Variants in SGCD observed in about 807,000 individuals in gnomAD.
SGCD encodes the protein sarcoglycan delta.
A neutral mutation model predicts 36.6 loss-of-function variants in SGCD; 18 were observed. That is an observed-to-expected ratio of 0.49 (90% CI 0.34 to 0.73). SGCD has a LOEUF of 0.73. Among genes scored for constraint, SGCD ranks in the 30% least tolerant of loss-of-function variants. SGCD has a pLI of 0.01. For synonymous variants in SGCD, 133 were observed against 130.6 expected, an observed-to-expected ratio of 1.02 and a Z score of -0.12; for missense variants, 387 against 346.7, an observed-to-expected ratio of 1.12 and a Z score of -0.92.
At chr5:155,895,142 T>C (rs1756219575) in intron 1 of SGCD, among the ~76,000 whole-genome samples, 3 of 152,194 alleles carry the variant, frequency 2.0e-5, no homozygotes, top group Admixed American at 6.5e-5. Flanking sequence ...TGATGTTTCA[T>C]AGGAAAATAG....
chr5:156,222,479 G>A (rs995857889), intron 3 of SGCD, among the ~76,000 whole-genome samples: 3 of 151,946 alleles, frequency 2.0e-5, no homozygotes, highest in Admixed American at 6.6e-5. Flanking sequence ...TAGCTTTTAC[G>A]GCGATTATAC....
intron 6 of SGCD, among the ~76,000 whole-genome samples, chr5:156,601,427 A>C (rs1401493984): frequency 1.3e-5 from 2 of 152,200 alleles, no homozygotes; most frequent in Non-Finnish European, 2.9e-5. Context: ...CAACTTTATG[A>C]AAAGGCAATT....
At chr5:155,844,854 A>C in the SGCD span, among the ~76,000 whole-genome samples, 2 of 152,164 alleles carry the variant, frequency 1.3e-5, no homozygotes, top group Non-Finnish European at 1.5e-5. Flanking sequence ...GATATTAATT[A>C]TTTTACTTCT....
intron 1 of SGCD, among the ~76,000 whole-genome samples, chr5:155,886,140 G>T (rs565980717): frequency 1.3e-5 from 2 of 152,188 alleles, no homozygotes; most frequent in East Asian, 3.9e-4. Flanking sequence ...GGCTCTTTAG[G>T]TTACAAGTAA....
At chr5:155,896,746 A>G (rs1204870987) in intron 1 of SGCD, among the ~76,000 whole-genome samples, 1 of 152,178 alleles carries the variant, frequency 6.6e-6, no homozygotes, top group Admixed American at 6.5e-5. Context: ...TCTGGCTCTC[A>G]AGGTTCTGCA....
chr5:155,830,643 G>C, the SGCD span, among the ~76,000 whole-genome samples: 1 of 152,102 alleles, frequency 6.6e-6, no homozygotes, highest in African/African-American at 2.4e-5. Flanking sequence ...AGTTTTTAAA[G>C]ACTTCTGTTA....
intron 6 of SGCD, among the ~76,000 whole-genome samples, chr5:156,608,743 A>G (rs1174075203): frequency 1.3e-5 from 2 of 152,284 alleles, no homozygotes; most frequent in African/African-American, 2.4e-5. Flanking sequence ...TTGGGTGCCT[A>G]TATATTTAGG....
At chr5:156,746,556 G>A (rs1561893602) in intron 7 of SGCD, among the ~76,000 whole-genome samples, 1 of 152,004 alleles carries the variant, frequency 6.6e-6, no homozygotes, top group Non-Finnish European at 1.5e-5. Context: ...ATACACCAGA[G>A]AGTTTAGAAA....
chr5:156,601,967 C>T (rs1761210656), intron 6 of SGCD, among the ~76,000 whole-genome samples: 1 of 152,196 alleles, frequency 6.6e-6, no homozygotes, highest in African/African-American at 2.4e-5. Flanking sequence ...AGGTGTGAGC[C>T]ACTGAGCCTG....
At chr5:156,219,974 G>A (rs992481174) in intron 3 of SGCD, among the ~76,000 whole-genome samples, 1 of 152,156 alleles carries the variant, frequency 6.6e-6, no homozygotes, top group Admixed American at 6.5e-5. Flanking sequence ...TCAGGTATAA[G>A]GTTACAATGT....
At chr5:155,738,858 AGT>A in the SGCD span, among the ~76,000 whole-genome samples, 13,258 of 138,824 alleles carry the variant, frequency 0.096, 790 homozygotes, top group East Asian at 0.18. Context: ...TGTATATGAG[AGT>A]GTGTGAGTGC....
intron 3 of SGCD, among the ~76,000 whole-genome samples, chr5:156,349,903 T>TA (rs1769149139): frequency 6.6e-6 from 1 of 151,928 alleles, no homozygotes; most frequent in African/African-American, 2.4e-5. Flanking sequence ...CCATCAGCCA[T>TA]AAAAAAGAAT....
chr5:155,746,392 CA>C, the SGCD span, among the ~76,000 whole-genome samples: 1 of 149,836 alleles, frequency 6.7e-6, no homozygotes, highest in South Asian at 2.1e-4. Flanking sequence ...GACCCTGTCT[CA>C]AAAAAAAAGA....
intron 3 of SGCD, among the ~76,000 whole-genome samples, chr5:156,251,219 TTC>T (rs1199043463): frequency 6.6e-6 from 1 of 152,190 alleles, no homozygotes; most frequent in Non-Finnish European, 1.5e-5. Flanking sequence ...ACAGAATTTT[TTC>T]TCTCTCTCTT....
At chr5:155,883,079 T>G (rs2113299077) in intron 1 of SGCD, among the ~76,000 whole-genome samples, 1 of 152,328 alleles carries the variant, frequency 6.6e-6, no homozygotes, top group Admixed American at 6.5e-5. Flanking sequence ...AACCAACCTC[T>G]GCTAATTTCC....
intron 1 of SGCD, among the ~76,000 whole-genome samples, chr5:156,058,187 G>T (rs1259712329): frequency 6.9e-6 from 1 of 145,886 alleles, no homozygotes; most frequent in Non-Finnish European, 1.5e-5. Flanking sequence ...CAAGCCTTTA[G>T]ATATAATTAC....
intron 3 of SGCD, among the ~76,000 whole-genome samples, chr5:156,212,277 T>C (rs536679241): frequency 6.6e-6 from 1 of 152,274 alleles, no homozygotes; most frequent in South Asian, 2.1e-4. Context: ...TCACTTCTCA[T>C]TAAAGAACAC....
At chr5:156,742,117 CCACCCGCCTCGGCCT>C (rs1459942241) in intron 7 of SGCD, among the ~76,000 whole-genome samples, 1 of 152,158 alleles carries the variant, frequency 6.6e-6, no homozygotes, top group Non-Finnish European at 1.5e-5. Flanking sequence ...ACCTCGTGAT[CCACCCGCCTCGGCCT>C]CCCAAAGTGC....
In SGCD at chr5:156,567,686, A is replaced by C. The variant is rs6885526; in HGVS notation, c.295-21545A>C. Among the ~76,000 whole-genome samples the C allele has an allele frequency of 3.2e-3, 493 of 152,326 alleles. 3 individuals carry two copies. The highest frequency in any genetic ancestry group is 0.011 in the African/African-American group (463 of 41,578). The stretch of plus-strand genomic sequence containing the variant: ...TTAGATGTAAATCTCACCCAAAAAT[A>C]TGCTCATAATTGACAACGTGAGCTC... On this transcript the variant is annotated intron_variant, in intron 4 of 8. Coordinates refer to ENST00000337851, the MANE Select transcript of SGCD (RefSeq NM_000337.6).
Sources: gnomAD v4.1 joint callset for allele counts (sites outside exome capture counted in the v4.1 genomes callset) on GRCh38, gnomAD v4.1.1 for gene constraint, MANE v1.5 for transcripts, NCBI Gene and HGNC (gene_info 2026-07-23, HGNC 2026-07-21) for gene names.